SPATA18: variants seen among roughly 807,000 people sequenced by gnomAD.
The protein encoded by SPATA18 is mitochondria-eating protein.
A neutral mutation model predicts 68.1 loss-of-function variants in SPATA18; 54 were observed. That is an observed-to-expected ratio of 0.79 (90% CI 0.64 to 0.99). The LOEUF (loss-of-function observed/expected upper bound fraction) is 0.99. Ranked by LOEUF, SPATA18 falls within the 50% of genes least tolerant of loss-of-function variation. The probability of loss-of-function intolerance (pLI) is 0.00; values close to 1 mark genes in which losing one functional copy is unlikely to be tolerated. For synonymous variants in SPATA18, 242 were observed against 244.8 expected (o/e 0.99, Z 0.11); for missense variants, 724 against 681.1 (o/e 1.06, Z -0.70).
At position 52,082,490 on chromosome 4, in the gene SPATA18, G is replaced by A. The variant is rs1741025082; in HGVS notation, c.1459G>A (p.Val487Ile). ...CTGTGTCATTATGAAGGGAGAAGCT[G>A]TCACCAGGAGAGGGGCTTTTGTACG... ...NDCVIMKGEA[V>I]TRRGAFWNSV... The change falls in exon 10 of 13, where the codon GTC (valine) becomes ATC (isoleucine). Residue 487 changes from valine to isoleucine, a missense_variant. Transcript: ENST00000295213. 2 of 1,614,038 alleles carry A rather than the reference G, an allele frequency of 1.2e-6. No individual in the cohort carries two copies.
chr4:52,086,486 A>G (rs935957896), intron 11 of SPATA18, among the ~76,000 whole-genome samples: 2 of 151,892 alleles, frequency 1.3e-5, no homozygotes, highest in Non-Finnish European at 2.9e-5. Flanking sequence ...TCACTGTTCA[A>G]CTCCCACTTA....
At chr4:52,069,275 A>G (rs1430189579) in intron 4 of SPATA18, among the ~76,000 whole-genome samples, 5 of 152,212 alleles carry the variant, frequency 3.3e-5, no homozygotes, top group African/African-American at 7.2e-5. Context: ...GTGAAAACTC[A>G]GAGAATTTGT....
intron 10 of SPATA18, chr4:52,082,754 A>G: frequency 7.5e-7 from 1 of 1,335,948 alleles, no homozygotes; most frequent in Non-Finnish European, 9.6e-7. Flanking sequence ...GGAATCAGTC[A>G]TATTTACCTC....
intron 7 of SPATA18, among the ~76,000 whole-genome samples, chr4:52,077,310 C>G (rs1005910378): frequency 2.8e-5 from 4 of 145,058 alleles, no homozygotes; most frequent in African/African-American, 1.0e-4. Flanking sequence ...GTCTCTCTCC[C>G]TCTCTCCTTC....
At position 52,094,536 on chromosome 4, in the gene SPATA18, A is replaced by T. The variant is rs764639958; in HGVS notation, c.1573A>T (p.Ser525Cys). 29 of 1,613,312 alleles carry T rather than the reference A, an allele frequency of 1.8e-5. 1 individual carries two copies. In the South Asian group the frequency reaches 2.5e-4, roughly 14 times the overall value. ...CTTTTATATTTTCCAGATGTCTCGA[A>T]GTCGGAGTCCTTCTCCAATAAGATG... is the stretch of plus-strand genomic sequence containing the variant. ...SQIGLNTMSR[S>C]RSPSPIRCGL... Residue 525 changes from serine (S) to cysteine (C), a missense_variant, in exon 12 of 13, where the codon AGT becomes TGT. Ser to Cys is a moderately radical substitution (Grantham distance 112). Coordinates refer to ENST00000295213, the MANE Select transcript of SPATA18 (RefSeq NM_145263.4).
At chr4:52,086,258 T>A (rs541677830) in intron 11 of SPATA18, among the ~76,000 whole-genome samples, 28 of 152,216 alleles carry the variant, frequency 1.8e-4, no homozygotes, top group African/African-American at 6.0e-4. Context: ...CCAGCTTCCT[T>A]ACTGACTTTT....
chr4:52,075,745 A>G (rs1427070841), intron 6 of SPATA18, among the ~76,000 whole-genome samples: 1 of 152,218 alleles, frequency 6.6e-6, no homozygotes, highest in African/African-American at 2.4e-5. Flanking sequence ...TTGGGCCGGC[A>G]TCAGCGGCCC....
chr4:52,080,657 C>A (rs1334935323), intron 9 of SPATA18, among the ~76,000 whole-genome samples: 1 of 152,054 alleles, frequency 6.6e-6, no homozygotes, highest in African/African-American at 2.4e-5. Context: ...GCTCCATCAC[C>A]TATTAGCTGT....
chr4:52,070,784 AT>A (rs1317424790), intron 5 of SPATA18, among the ~76,000 whole-genome samples: 1 of 152,140 alleles, frequency 6.6e-6, no homozygotes, highest in Non-Finnish European at 1.5e-5. Context: ...AACTTAACAA[AT>A]TTCATAAAGA....
chr4:52,052,092 A>G (rs772596394), intron 1 of SPATA18, among the ~76,000 whole-genome samples: 1 of 151,884 alleles, frequency 6.6e-6, no homozygotes, highest in African/African-American at 2.4e-5. Flanking sequence ...CGACCTAGCA[A>G]TAGGGAAGCC....
chr4:52,082,416 C>T lies in SPATA18; in HGVS notation c.1385C>T (p.Thr462Ile). Residue 462 changes from threonine (T) to isoleucine (I), a missense_variant, in exon 10 of 13, where the codon ACT (threonine) becomes ATT (isoleucine). By Grantham distance (89) the Thr-to-Ile change is moderately conservative. Coordinates refer to ENST00000295213, the MANE Select transcript of SPATA18 (RefSeq NM_145263.4). ...KYRRSYDSDF[T>I]APLVLYHVWP... ...CGCCGCAGCTACGACTCGGATTTCACTGCTCCCTTAGTCCTCTATCACGTG... is the reference window on the plus strand; with the variant it reads ...CGCCGCAGCTACGACTCGGATTTCATTGCTCCCTTAGTCCTCTATCACGTG... The T allele has an allele frequency of 1.2e-6, 2 of 1,614,076 alleles. No homozygotes were observed. Among genetic ancestry groups the T allele is most frequent in the East Asian group, 2.2e-5 (1 of 44,872 alleles).
Position 52,069,867 on chromosome 4 carries a change from G to T in SPATA18, c.469G>T (p.Ala157Ser), listed in dbSNP as rs978014388. 3 of 1,598,396 alleles carry T rather than the reference G, an allele frequency of 1.9e-6. No individual in the cohort carries two copies. Among genetic ancestry groups the T allele is most frequent in the Non-Finnish European group, 2.6e-6 (3 of 1,170,276 alleles). ...TCTTGAAGAAAGCAAGAACAGATCG[G>T]CCATATCCCTTTTGGCTGCAGAGGA... ...KNLEESKNRS[A>S]ISLLAAEEEI... is the part of the protein sequence containing the mutation. Residue 157 changes from alanine to serine, a missense_variant, in exon 5 of 13, where the codon GCC (alanine) becomes TCC (serine). Coordinates refer to ENST00000295213, the MANE Select transcript of SPATA18 (RefSeq NM_145263.4).
intron 1 of SPATA18, among the ~76,000 whole-genome samples, chr4:52,057,250 A>G (rs1213101495): frequency 6.6e-6 from 1 of 152,036 alleles, no homozygotes; most frequent in Non-Finnish European, 1.5e-5. Flanking sequence ...TAGAAACTCA[A>G]TGATTTATGA....
Position 52,096,736 on chromosome 4 carries a change from G to A in SPATA18, c.*1849G>A, listed in dbSNP as rs1319282142. On this transcript the variant is annotated 3_prime_UTR_variant, in exon 13 of 13. Transcript: ENST00000295213. ...ATTGGATGTGACTTTCTGAAGTGGT[G>A]GGCAATTCTTGTTAATGTTTTAAAC... 6.9e-6 allele frequency: 1 copy of A among 145,242 alleles called. No individual in the cohort carries two copies. Among genetic ancestry groups the A allele is most frequent in the Non-Finnish European group, 1.5e-5 (1 of 65,706 alleles). The allele number at this position is 145,242 out of a possible 1,614,324, so 9.0% of individuals were successfully genotyped here.
intron 1 of SPATA18, among the ~76,000 whole-genome samples, chr4:52,053,905 T>C (rs971243959): frequency 2.6e-5 from 4 of 152,198 alleles, no homozygotes; most frequent in African/African-American, 9.7e-5. Context: ...CCAAATTTCC[T>C]ATTTCAGTCA....
chr4:52,084,057 A>G (rs1241204908), intron 10 of SPATA18, among the ~76,000 whole-genome samples: 1 of 151,960 alleles, frequency 6.6e-6, no homozygotes. Flanking sequence ...TGTCAAAAAA[A>G]AAAAAAAAGA....
rs1024445814 is a variant in SPATA18, at chr4:52,079,787, C to T, written c.1223C>T (p.Pro408Leu). The stretch of plus-strand genomic sequence containing the variant: ...AATGTCAATCCCAAGATTTCATTCC[C>T]TCCTGTCGTTGACTTTTGCCTTCTC... ...AMNVNPKISF[P>L]PVVDFCLLSD... The change falls in exon 9 of 13, where the codon CCT becomes CTT. Residue 408 changes from proline to leucine, a missense_variant. Physicochemically the swap from Pro to Leu is moderately conservative, Grantham distance 98. Coordinates refer to ENST00000295213, the MANE Select transcript of SPATA18 (RefSeq NM_145263.4). 1.9e-6 allele frequency: 3 copies of T among 1,613,848 alleles called. No homozygotes were observed. Among genetic ancestry groups the T allele is most frequent in the Non-Finnish European group, 2.5e-6 (3 of 1,179,940 alleles).
At position 52,071,853 on chromosome 4, in the gene SPATA18, T is replaced by C. The variant is rs531507357; in HGVS notation, c.519-64T>C. ...CCAATTGCTGCTTATTACCTTTCCT[T>C]CCTTCCTTCACTCCCTCCCCTCTCC... On this transcript the variant is annotated intron_variant, in intron 5 of 12. Transcript: ENST00000295213. The C allele has an allele frequency of 5.4e-5, 82 of 1,528,752 alleles. No homozygotes were observed. In the South Asian group the frequency reaches 9.6e-4, roughly 18 times the overall value. 94.7% of individuals were successfully genotyped at this position (1,528,752 alleles called of 1,614,324 possible).
At chr4:52,087,414 T>C (rs549434314) in intron 11 of SPATA18, among the ~76,000 whole-genome samples, 19 of 152,320 alleles carry the variant, frequency 1.2e-4, no homozygotes, top group Admixed American at 3.3e-4. Context: ...TACATTTAAG[T>C]CTTTGGTCCA....
Sources: gnomAD v4.1 joint callset for allele counts (sites outside exome capture counted in the v4.1 genomes callset) on GRCh38, gnomAD v4.1.1 for gene constraint, MANE v1.5 for transcripts, NCBI Gene and HGNC (gene_info 2026-07-23, HGNC 2026-07-21) for gene names.